Variants in ZNF568 observed in about 807,000 individuals in gnomAD.
ZNF568 encodes the protein zinc finger protein 568.
ZNF568 carries 11 observed loss-of-function variants against 18.1 expected under a neutral mutation model. The ratio of observed to expected loss-of-function variants is 0.61; its 90% CI spans 0.38 to 1.00. The LOEUF is 1.00. Among genes scored for constraint, ZNF568 ranks in the 50% least tolerant of loss-of-function variants. The probability of loss-of-function intolerance (pLI) is 0.01; values close to 1 mark genes in which losing one functional copy is unlikely to be tolerated. For missense variants in ZNF568, 639 were observed against 768.2 expected, an observed-to-expected ratio of 0.83 and a Z score of 1.99; for synonymous variants, 213 against 246.6, an observed-to-expected ratio of 0.86 and a Z score of 1.28.
At chr19:36,979,157 G>GT in exon 8 of ZNF568, 1 of 216,606 alleles carries the variant, frequency 4.6e-6, no homozygotes. Context: ...CTAATTTAGT[G>GT]TTTTTTATAG....
At chr19:36,926,856 T>C (rs934664642) in intron 4 of ZNF568, among the ~76,000 whole-genome samples, 1 of 151,398 alleles carries the variant, frequency 6.6e-6, no homozygotes, top group Non-Finnish European at 1.5e-5. Flanking sequence ...TAAGCTTACA[T>C]AACATCGTGC....
exon 5 of ZNF568, chr19:36,996,324 G>A: frequency 6.5e-7 from 1 of 1,529,470 alleles, no homozygotes; most frequent in Non-Finnish European, 8.7e-7. Flanking sequence ...CAGATTGGGA[G>A]TTTGGAAGAG....
intron 6 of ZNF568, among the ~76,000 whole-genome samples, chr19:36,962,277 G>GTT (rs71177418): frequency 0.057 from 2,547 of 44,392 alleles, 178 homozygotes; most frequent in East Asian, 0.16. Context: ...GTGTTGCAGT[G>GTT]TTTTTTTTTT....
In ZNF568 at chr19:36,950,859, G is replaced by T. The variant is rs767853902; in HGVS notation, c.1706G>T (p.Arg569Leu). Residue 569 changes from arginine to leucine, a missense_variant, in exon 7 of 7, where the codon CGA (arginine) becomes CTA (leucine). Arg to Leu is a moderately radical substitution (Grantham distance 102). Transcript: ENST00000333987. ...KCNECGKAFSRISSLTLHVRS... is the reference protein window; with the variant it reads ...KCNECGKAFSLISSLTLHVRS... ...AATGAATGTGGTAAAGCCTTCTCTC[G>T]AATCTCATCCCTCACTCTTCATGTG... 6.2e-7 allele frequency: 1 copy of T among 1,613,002 alleles called. No homozygotes were observed. Among genetic ancestry groups the T allele is most frequent in the Admixed American group, 1.7e-5 (1 of 59,920 alleles).
intron 6 of ZNF568, among the ~76,000 whole-genome samples, chr19:36,941,622 T>C (rs1367353359): frequency 1.3e-5 from 2 of 152,188 alleles, no homozygotes; most frequent in African/African-American, 4.8e-5. Flanking sequence ...ATTTGAACTT[T>C]ATGAAAATTA....
At chr19:36,976,349 TAAC>T (rs2074285110) in intron 7 of ZNF568, 1 of 152,198 alleles carries the variant, frequency 6.6e-6, no homozygotes, top group African/African-American at 2.4e-5. Context: ...TTAATCCACA[TAAC>T]AACCCTATTA....
intron 2 of ZNF568, among the ~76,000 whole-genome samples, chr19:36,985,520 GT>G (rs367817327): frequency 0.53 from 80,648 of 151,688 alleles, 21,929 homozygotes; most frequent in African/African-American, 0.61. Context: ...TGTTTGTTTT[GT>G]TTTGTTTTGT....
chr19:36,928,024 C>T (rs1185119411), intron 4 of ZNF568, among the ~76,000 whole-genome samples: 1 of 145,572 alleles, frequency 6.9e-6, no homozygotes, highest in African/African-American at 2.5e-5. Context: ...AAGTGATTCT[C>T]ATGCCTCAGC....
chr19:36,959,131 A>G (rs1201537917), intron 6 of ZNF568, among the ~76,000 whole-genome samples: 1 of 152,138 alleles, frequency 6.6e-6, no homozygotes, highest in Admixed American at 6.5e-5. Context: ...TTCCCTATTC[A>G]CTATGGTGTT....
At chr19:36,920,923 C>T (rs1484129065) in intron 2 of ZNF568, among the ~76,000 whole-genome samples, 1 of 151,998 alleles carries the variant, frequency 6.6e-6, no homozygotes, top group Non-Finnish European at 1.5e-5. Context: ...TTTAGATATA[C>T]AAACACCTAC....
intron 4 of ZNF568, among the ~76,000 whole-genome samples, chr19:36,932,579 C>T (rs1214581598): frequency 6.6e-6 from 1 of 151,934 alleles, no homozygotes; most frequent in Non-Finnish European, 1.5e-5. Flanking sequence ...GCAACAAGAG[C>T]GAAACTCCGT....
At chr19:36,962,282 T>A (rs867254713) in intron 6 of ZNF568, among the ~76,000 whole-genome samples, 18,637 of 120,906 alleles carry the variant, frequency 0.15, 1,207 homozygotes, top group Non-Finnish European at 0.23. Flanking sequence ...GCAGTGTTTT[T>A]TTTTTTTTTT....
At chr19:36,961,931 C>T (rs1335680624) in intron 6 of ZNF568, among the ~76,000 whole-genome samples, 1 of 146,490 alleles carries the variant, frequency 6.8e-6, no homozygotes, top group Non-Finnish European at 1.5e-5. Flanking sequence ...CCCACCTGAG[C>T]CCCACAAGTA....
intron 7 of ZNF568, among the ~76,000 whole-genome samples, chr19:36,975,664 G>A (rs906713825): frequency 1.3e-4 from 18 of 141,874 alleles, no homozygotes; most frequent in Admixed American, 1.1e-3. Flanking sequence ...CAGCAGGCGT[G>A]AGCCACCGCG....
chr19:36,975,986 G>A (rs10424584), intron 7 of ZNF568, among the ~76,000 whole-genome samples: 50,925 of 151,916 alleles, frequency 0.34, 8,765 homozygotes, highest in Non-Finnish European at 0.36. Flanking sequence ...AAGCCACCAC[G>A]CCTGGCCTCA....
chr19:36,965,952 G>A (rs952001601), intron 6 of ZNF568, among the ~76,000 whole-genome samples: 28 of 151,390 alleles, frequency 1.8e-4, no homozygotes, highest in Admixed American at 1.3e-3. Context: ...TGCCCGCCTC[G>A]GCCTCCCAAA....
At chr19:36,983,720 T>G (rs556960682), downstream of ZNF568, among the ~76,000 whole-genome samples, 2 of 152,178 alleles carry the variant, frequency 1.3e-5, no homozygotes, top group East Asian at 3.9e-4. Flanking sequence ...AGAGTTTCTA[T>G]TTCATTTATG....
chr19:36,969,671 C>T (rs746916913), intron 6 of ZNF568, among the ~76,000 whole-genome samples: 5 of 152,026 alleles, frequency 3.3e-5, no homozygotes, highest in African/African-American at 7.2e-5. Flanking sequence ...AAAGCACATC[C>T]CCGCTTTCGT....
chr19:36,974,459 T>C, exon 7 of ZNF568: 1 of 1,536,110 alleles, frequency 6.5e-7, no homozygotes, highest in Non-Finnish European at 8.7e-7. Context: ...TCTGAAGTGA[T>C]GGCGGAGGTA....
Sources: allele counts gnomAD v4.1 joint callset (sites outside exome capture counted in the v4.1 genomes callset), GRCh38; gene constraint gnomAD v4.1.1; transcripts MANE v1.5; gene names NCBI Gene and HGNC (gene_info 2026-07-23, HGNC 2026-07-21).